The following SLC9A4 variants were observed in gnomAD, a reference collection of about 807,000 sequenced individuals.
SLC9A4 encodes solute carrier family 9 member A4, also known as sodium/hydrogen exchanger 4.
In SLC9A4, 63 loss-of-function variants were observed where a neutral mutation model predicts 67.4. The observed-to-expected ratio is 0.93, with a 90% confidence interval of 0.76 to 1.15. SLC9A4 has a LOEUF of 1.15. Ranked by LOEUF, SLC9A4 falls within the 50% of genes most tolerant of loss-of-function variation. The pLI, the probability that SLC9A4 is intolerant of heterozygous loss-of-function variation, is 0.00. For synonymous variants in SLC9A4, 393 were observed against 367.2 expected (o/e 1.07, Z -0.80); for missense variants, 1,089 against 987.7 (o/e 1.10, Z -1.38).
intron 2 of SLC9A4, among the ~76,000 whole-genome samples, chr2:102,481,043 C>T (rs1684451474): frequency 6.6e-6 from 1 of 152,142 alleles, no homozygotes; most frequent in South Asian, 2.1e-4. Flanking sequence ...ACCTTCTACT[C>T]AGGAAGAAGC....
At chr2:102,479,928 G>T (rs1684423597) in intron 2 of SLC9A4, among the ~76,000 whole-genome samples, 1 of 152,158 alleles carries the variant, frequency 6.6e-6, no homozygotes, top group African/African-American at 2.4e-5. Context: ...TAAGGCTCAG[G>T]GGATGTCTGT....
At chr2:102,490,834 G>A (rs192410761) in intron 2 of SLC9A4, among the ~76,000 whole-genome samples, 1 of 152,076 alleles carries the variant, frequency 6.6e-6, no homozygotes, top group African/African-American at 2.4e-5. Context: ...AACAACAAAG[G>A]TTTATTTCTT....
At chr2:102,507,249 C>G (rs1685068754) in intron 4 of SLC9A4, among the ~76,000 whole-genome samples, 1 of 152,166 alleles carries the variant, frequency 6.6e-6, no homozygotes, top group Non-Finnish European at 1.5e-5. Flanking sequence ...ATCCATGTGC[C>G]TATTATCAAA....
At chr2:102,514,534 G>T (rs1003040301) in intron 8 of SLC9A4, among the ~76,000 whole-genome samples, 1 of 152,214 alleles carries the variant, frequency 6.6e-6, no homozygotes, top group African/African-American at 2.4e-5. Context: ...TAGAATTGCA[G>T]CATATTTTAC....
intron 2 of SLC9A4, among the ~76,000 whole-genome samples, chr2:102,483,272 C>A (rs1684505614): frequency 6.6e-6 from 1 of 152,152 alleles, no homozygotes; most frequent in Non-Finnish European, 1.5e-5. Context: ...TGCTGGGTCC[C>A]TAAGTGAAAC....
intron 2 of SLC9A4, among the ~76,000 whole-genome samples, chr2:102,488,705 C>T (rs543269681): frequency 3.9e-5 from 6 of 152,054 alleles, no homozygotes; most frequent in Non-Finnish European, 5.9e-5. Context: ...CCCACCACCA[C>T]GCCCGGCTAA....
Position 102,524,948 on chromosome 2 carries a change from G to T in SLC9A4, c.1819-76G>T. 1.9e-6 allele frequency: 3 copies of T among 1,573,596 alleles called. No homozygotes were observed. The South Asian group carries it at 3.5e-5, about 18-fold the overall frequency. On this transcript the variant is annotated intron_variant, in intron 9 of 11. Coordinates refer to ENST00000295269, the MANE Select transcript of SLC9A4 (RefSeq NM_001011552.4). ...CCTGTTCTCCTGGTCTTAGGTTCCT[G>T]ATGTTTCCATGGCTTCCTTGGCTGA...
chr2:102,527,646 T>C (rs1012919656), intron 11 of SLC9A4, among the ~76,000 whole-genome samples: 9 of 152,176 alleles, frequency 5.9e-5, no homozygotes, highest in Non-Finnish European at 1.2e-4. Flanking sequence ...TTTTTACATA[T>C]ATTGTCAAAA....
intron 2 of SLC9A4, among the ~76,000 whole-genome samples, chr2:102,502,042 T>C (rs889126067): frequency 1.3e-5 from 2 of 152,278 alleles, no homozygotes; most frequent in South Asian, 2.1e-4. Context: ...CCTTGAGTTT[T>C]AGCTTCCGTC....
chr2:102,499,163 C>T (rs1265039615), intron 2 of SLC9A4, among the ~76,000 whole-genome samples: 6 of 152,192 alleles, frequency 3.9e-5, no homozygotes, highest in African/African-American at 1.4e-4. Context: ...ATCTCAGTGT[C>T]CCTGCCAAGC....
intron 2 of SLC9A4, among the ~76,000 whole-genome samples, chr2:102,488,749 G>T (rs58856568): frequency 1.4e-4 from 22 of 152,046 alleles, no homozygotes; most frequent in African/African-American, 5.3e-4. Context: ...GGGTTTCACC[G>T]TGCTAGCCAG....
intron 7 of SLC9A4, among the ~76,000 whole-genome samples, chr2:102,513,181 G>T (rs1257652691): frequency 6.6e-6 from 1 of 152,158 alleles, no homozygotes; most frequent in South Asian, 2.1e-4. Flanking sequence ...AAAACTAGAA[G>T]ACAGAAGATC....
Position 102,508,114 on chromosome 2 carries a change from C to A in SLC9A4, c.1234C>A (p.Arg412=), listed in dbSNP as rs766908354. 3 of 1,614,176 alleles carry A rather than the reference C, an allele frequency of 1.9e-6. No individual in the cohort carries two copies. The South Asian group carries it at 3.3e-5, about 18-fold the overall frequency. ...TCTCTTCTATATCAGTAACCAGTTT[C>A]GGACTTTCCCCTTCTCCATCAAGGA... ...FALFYISNQF[R]TFPFSIKDQC... The change falls in exon 5 of 12, where the codon CGG becomes AGG. Residue 412 remains arginine (R), a synonymous_variant. Transcript: ENST00000295269.
At chr2:102,489,909 C>T (rs1177894292) in intron 2 of SLC9A4, among the ~76,000 whole-genome samples, 1 of 152,118 alleles carries the variant, frequency 6.6e-6, no homozygotes, top group Non-Finnish European at 1.5e-5. Context: ...CAATAAACTG[C>T]CCATGACAGA....
intron 9 of SLC9A4, among the ~76,000 whole-genome samples, chr2:102,524,758 G>C (rs1674624713): frequency 6.6e-6 from 1 of 152,222 alleles, no homozygotes; most frequent in South Asian, 2.1e-4. Flanking sequence ...AAGTCTGTGG[G>C]TAACTAAGAG....
chr2:102,473,693 A>G lies in SLC9A4; in HGVS notation c.-67A>G. Reference sequence around the variant, plus strand: ...CAGGTGGATGCAGTCACTCTCTAGAAGCCTCCCCGACTTCAGATGTGTGGC... The same window carrying G: ...CAGGTGGATGCAGTCACTCTCTAGAGGCCTCCCCGACTTCAGATGTGTGGC... On this transcript the variant is annotated 5_prime_UTR_variant, in exon 1 of 12. Coordinates refer to ENST00000295269, the MANE Select transcript of SLC9A4 (RefSeq NM_001011552.4). 3.2e-6 allele frequency: 5 copies of G among 1,576,992 alleles called. No individual in the cohort carries two copies. The highest frequency in any genetic ancestry group is 1.7e-5 in the Admixed American group (1 of 57,506).
intron 2 of SLC9A4, among the ~76,000 whole-genome samples, chr2:102,496,668 A>T (rs936493310): frequency 2.6e-5 from 4 of 152,070 alleles, no homozygotes; most frequent in Admixed American, 6.5e-5. Flanking sequence ...GAAAGGCAAG[A>T]ATGTTGTATA....
chr2:102,483,029 C>A (rs1684499380), intron 2 of SLC9A4, among the ~76,000 whole-genome samples: 1 of 152,186 alleles, frequency 6.6e-6, no homozygotes, highest in South Asian at 2.1e-4. Flanking sequence ...TTGTTAGCAA[C>A]ATGTGTTTGA....
chr2:102,493,842 A>G (rs577912698), intron 2 of SLC9A4, among the ~76,000 whole-genome samples: 12 of 151,928 alleles, frequency 7.9e-5, no homozygotes, highest in Non-Finnish European at 1.8e-4. Flanking sequence ...TTGTGACAGA[A>G]AAAACAGTTA....
Sources: gnomAD v4.1 joint callset for allele counts (sites outside exome capture counted in the v4.1 genomes callset) on GRCh38, gnomAD v4.1.1 for gene constraint, MANE v1.5 for transcripts, NCBI Gene and HGNC (gene_info 2026-07-23, HGNC 2026-07-21) for gene names.